Variants in SAMSN1 observed in about 807,000 individuals in gnomAD.
The protein encoded by SAMSN1 is SAM domain-containing protein SAMSN-1.
A neutral mutation model predicts 42.0 loss-of-function variants in SAMSN1; 31 were observed. That is an observed-to-expected ratio of 0.74 (90% CI 0.55 to 1.00). The LOEUF is 1.00. SAMSN1 is among the 50% of genes least tolerant of loss of function. SAMSN1 has a pLI of 0.00. For missense variants in SAMSN1, 464 were observed against 439.4 expected (o/e 1.06, Z -0.50); for synonymous variants, 178 against 151.9 (o/e 1.17, Z -1.26).
At chr21:14,569,847 A>C (rs572167588) in intron 2 of SAMSN1, among the ~76,000 whole-genome samples, 2 of 152,304 alleles carry the variant, frequency 1.3e-5, no homozygotes, top group East Asian at 3.9e-4. Context: ...GTGGCCTCAA[A>C]ATATGATGGT....
At chr21:14,633,715 C>T (rs999917109) in intron 2 of SAMSN1, among the ~76,000 whole-genome samples, 3 of 152,152 alleles carry the variant, frequency 2.0e-5, no homozygotes, top group African/African-American at 7.2e-5. Context: ...GCCCTCTATC[C>T]TTCAGCCGAG....
chr21:14,628,133 C>A (rs1299526199), intron 2 of SAMSN1, among the ~76,000 whole-genome samples: 1 of 152,146 alleles, frequency 6.6e-6, no homozygotes, highest in African/African-American at 2.4e-5. Flanking sequence ...AACACAACAG[C>A]ATCCAATCAA....
chr21:14,510,124 G>A (rs1465043036), intron 5 of SAMSN1, among the ~76,000 whole-genome samples, 186 bp downstream of exon 5: 4 of 150,714 alleles, frequency 2.7e-5, no homozygotes, highest in African/African-American at 9.8e-5. Flanking sequence ...GGGCAACAGA[G>A]TGACTCCGTC....
intron 2 of SAMSN1, among the ~76,000 whole-genome samples, chr21:14,625,900 A>G (rs1001763106): frequency 6.6e-6 from 1 of 152,230 alleles, no homozygotes; most frequent in Non-Finnish European, 1.5e-5. Flanking sequence ...TACAGTAACC[A>G]AAACAGCATG....
chr21:14,584,675 A>T (rs914383603), upstream of SAMSN1, among the ~76,000 whole-genome samples: 1 of 152,210 alleles, frequency 6.6e-6, no homozygotes, highest in African/African-American at 2.4e-5. Flanking sequence ...TCATCCAGAA[A>T]GTTCTAGACT....
upstream of SAMSN1, among the ~76,000 whole-genome samples, chr21:14,550,197 T>G (rs572712339): frequency 6.6e-6 from 1 of 152,164 alleles, no homozygotes; most frequent in South Asian, 2.1e-4. Context: ...GTTAAGGAAG[T>G]GGGGGGACCG....
intron 1 of SAMSN1, chr21:14,643,180 T>C (rs1367225007): frequency 2.8e-6 from 2 of 708,562 alleles, no homozygotes; most frequent in Non-Finnish European, 5.2e-6. Context: ...AATAATAATT[T>C]TCCTTTAAAA....
At chr21:14,584,470 A>G (rs970389912), upstream of SAMSN1, among the ~76,000 whole-genome samples, 2 of 152,200 alleles carry the variant, frequency 1.3e-5, no homozygotes, top group Admixed American at 6.5e-5. Context: ...AGATTCAGGA[A>G]TGTTTCCCAC....
In SAMSN1 at chr21:14,546,276, ACTC is replaced by A. The variant is rs1980387192; in HGVS notation, c.-18_-16del. ...CTCTTGAGCATTTTGAATTCTGACT[ACTC>A]CTAGTGAGTGCACTTTCTGCTGTTA... On this transcript the variant is annotated 5_prime_UTR_variant, in exon 1 of 8. Transcript: ENST00000400566. 6.2e-7 allele frequency: 1 copy of A among 1,612,836 alleles called. No individual in the cohort carries two copies. Among genetic ancestry groups the A allele is most frequent in the Admixed American group, 1.7e-5 (1 of 59,850 alleles).
intron 2 of SAMSN1, among the ~76,000 whole-genome samples, chr21:14,635,507 A>G (rs1362980957): frequency 6.6e-6 from 1 of 152,184 alleles, no homozygotes; most frequent in Non-Finnish European, 1.5e-5. Context: ...CAATTTGTGG[A>G]GATTAAAATC....
chr21:14,595,899 C>T lies in SAMSN1; in HGVS notation c.400-1821G>A, dbSNP rs1982246541. On this transcript the variant is annotated intron_variant, in intron 6 of 15. Coordinates refer to the SAMSN1 transcript ENST00000647101. ...CAGTATATAAGAGTGCATTTACTAG[C>T]CATTTTCTGGGCTGCGAAATTCCTT... Among the ~76,000 whole-genome samples the T allele has an allele frequency of 2.0e-5, 3 of 152,098 alleles. No individual in the cohort carries two copies. The South Asian group carries it at 6.2e-4, about 31-fold the overall frequency.
At chr21:14,524,583 C>T (rs1978715211) in intron 1 of SAMSN1, among the ~76,000 whole-genome samples, 1 of 152,070 alleles carries the variant, frequency 6.6e-6, no homozygotes, top group Non-Finnish European at 1.5e-5. Context: ...TATACATTTG[C>T]CCTTTGTCCC....
intron 2 of SAMSN1, among the ~76,000 whole-genome samples, chr21:14,578,936 C>T (rs1981603958): frequency 6.6e-6 from 1 of 152,000 alleles, no homozygotes; most frequent in African/African-American, 2.4e-5. Flanking sequence ...ATTACAGAAG[C>T]ACATCTTTTC....
intron 1 of SAMSN1, among the ~76,000 whole-genome samples, chr21:14,648,828 T>C (rs1004585079): frequency 2.0e-5 from 3 of 152,056 alleles, no homozygotes; most frequent in African/African-American, 7.2e-5. Flanking sequence ...GGTGGGACTG[T>C]AAACTAGTTC....
At position 14,498,516 on chromosome 21, in the gene SAMSN1, A is replaced by G; in HGVS notation, c.845T>C (p.Ile282Thr). The G allele has an allele frequency of 6.2e-7, 1 of 1,610,576 alleles. No individual in the cohort carries two copies. Among genetic ancestry groups the G allele is most frequent in the Non-Finnish European group, 8.5e-7 (1 of 1,178,370 alleles). Residue 282 changes from isoleucine to threonine, a missense_variant, in exon 7 of 8, where the codon ATT (isoleucine) becomes ACT (threonine). Physicochemically the swap from Ile to Thr is moderately conservative, Grantham distance 89. Transcript: ENST00000400566. ...DLKDIKESHL[I>T]ELNIENPDDR... ...ATCTGGGTTTTCAATATTTAATTCA[A>G]TGAGGTGACTCTCTTTTATATCTTT... is the stretch of plus-strand genomic sequence containing the variant.
chr21:14,584,724 C>T (rs1306931814), upstream of SAMSN1, among the ~76,000 whole-genome samples: 1 of 152,140 alleles, frequency 6.6e-6, no homozygotes, highest in Non-Finnish European at 1.5e-5. Flanking sequence ...TCATTCTTTC[C>T]ATTGAACAGC....
intron 1 of SAMSN1, among the ~76,000 whole-genome samples, chr21:14,537,440 T>G (rs1387336456): frequency 2.0e-5 from 3 of 152,236 alleles, no homozygotes; most frequent in Admixed American, 6.5e-5. Flanking sequence ...TTTATCCTAT[T>G]TATTGTCTGT....
chr21:14,526,114 C>T (rs13050841), intron 1 of SAMSN1, among the ~76,000 whole-genome samples: 2 of 152,122 alleles, frequency 1.3e-5, no homozygotes, highest in African/African-American at 2.4e-5. Flanking sequence ...GCAATTCGCC[C>T]GCCTTGGCCT....
At chr21:14,520,190 G>A (rs751520796) in intron 2 of SAMSN1, among the ~76,000 whole-genome samples, 3 of 152,092 alleles carry the variant, frequency 2.0e-5, no homozygotes, top group African/African-American at 2.4e-5. Flanking sequence ...CTTAAGCTAC[G>A]GTTAAAATGT....
Sources: gnomAD v4.1 joint callset for allele counts (sites outside exome capture counted in the v4.1 genomes callset) on GRCh38, gnomAD v4.1.1 for gene constraint, MANE v1.5 for transcripts, NCBI Gene and HGNC (gene_info 2026-07-23, HGNC 2026-07-21) for gene names.